AKT3: variants seen among roughly 807,000 people sequenced by gnomAD.
AKT3 encodes the protein RAC-gamma serine/threonine-protein kinase.
A neutral mutation model predicts 65.3 loss-of-function variants in AKT3; 15 were observed. The ratio of observed to expected loss-of-function variants is 0.23; its 90% confidence interval spans 0.15 to 0.35. The LOEUF (loss-of-function observed/expected upper bound fraction) is 0.35. Among genes scored for constraint, AKT3 ranks in the 10% least tolerant of loss-of-function variants. The probability of loss-of-function intolerance (pLI) is 1.00; values close to 1 mark genes in which losing one functional copy is unlikely to be tolerated. For synonymous variants in AKT3, 206 were observed against 183.8 expected, an observed-to-expected ratio of 1.12 and a Z score of -0.98; for missense variants, 243 against 576.5, an observed-to-expected ratio of 0.42 and a Z score of 5.92.
chr1:243,742,059 T>TAA (rs36056068), intron 2 of AKT3, among the ~76,000 whole-genome samples: 2,580 of 125,534 alleles, frequency 0.021, 40 homozygotes, highest in Non-Finnish European at 0.027. Context: ...GATAGAAAAT[T>TAA]AAAAAAAAAA....
chr1:243,791,504 C>T (rs1207971269), intron 2 of AKT3, among the ~76,000 whole-genome samples: 1 of 152,162 alleles, frequency 6.6e-6, no homozygotes, highest in Non-Finnish European at 1.5e-5. Flanking sequence ...CAACAGATTA[C>T]TCAAACCAGA....
chr1:243,595,306 A>G (rs773807447), intron 8 of AKT3, among the ~76,000 whole-genome samples: 7 of 152,224 alleles, frequency 4.6e-5, no homozygotes, highest in African/African-American at 7.2e-5. Flanking sequence ...TGTCTATTGC[A>G]TTTATAATAC....
At chr1:243,785,202 G>C (rs527667107) in intron 2 of AKT3, among the ~76,000 whole-genome samples, 8 of 151,848 alleles carry the variant, frequency 5.3e-5, no homozygotes, top group Admixed American at 5.2e-4. Flanking sequence ...GTGAGTAGCT[G>C]GGACTACAGG....
rs79472693 is a variant in AKT3 at position 243,736,103 on chromosome 1, T to C, written c.47-40387A>G. Reference sequence around the variant, plus strand: ...GCTTGAGATGGGGGTAAAAAGTATATGCTTTGTAGTCAAATACATGGATTC... The same window carrying C: ...GCTTGAGATGGGGGTAAAAAGTATACGCTTTGTAGTCAAATACATGGATTC... On this transcript the variant is annotated intron_variant, in intron 2 of 13. Coordinates refer to ENST00000673466, the MANE Select transcript of AKT3 (RefSeq NM_005465.7). 2.8e-3 allele frequency among the ~76,000 whole-genome samples: 423 copies of C among 152,264 alleles called. 9 individuals carry two copies. The East Asian group carries it at 0.053, about 19-fold the overall frequency.
chr1:243,729,812 T>C (rs553108556), intron 2 of AKT3, among the ~76,000 whole-genome samples: 1 of 152,310 alleles, frequency 6.6e-6, no homozygotes, highest in Non-Finnish European at 1.5e-5. Flanking sequence ...GATTACAGTG[T>C]TCTTCTTTAT....
rs879612465 is a variant in AKT3, at chr1:243,623,179, G to A, written c.562-8018C>T. ...CAACAGGATGCATGATTAATACTTC[G>A]TGCCTGATTTTGCTCTGAGAGGTTG... On this transcript the variant is annotated intron_variant, in intron 6 of 13. Transcript: ENST00000673466. Among the ~76,000 whole-genome samples the A allele has an allele frequency of 3.9e-5, 6 of 152,224 alleles. 1 individual carries two copies. The highest frequency in any genetic ancestry group is 4.1e-4 in the South Asian group (2 of 4,822).
chr1:243,598,541 G>A (rs1299028720), intron 8 of AKT3, among the ~76,000 whole-genome samples: 1 of 152,056 alleles, frequency 6.6e-6, no homozygotes, highest in Non-Finnish European at 1.5e-5. Context: ...AGCCTAACAG[G>A]AACTGCACTA....
At chr1:243,744,513 G>A (rs1315253170) in intron 2 of AKT3, among the ~76,000 whole-genome samples, 1 of 151,994 alleles carries the variant, frequency 6.6e-6, no homozygotes, top group Non-Finnish European at 1.5e-5. Context: ...GCCGAGGCGG[G>A]TGGATCACGA....
chr1:243,785,063 A>AT (rs764079943), intron 2 of AKT3, among the ~76,000 whole-genome samples: 1,986 of 134,858 alleles, frequency 0.015, 35 homozygotes, highest in African/African-American at 0.036. Flanking sequence ...GTCCAACTCA[A>AT]TTTTTTTTTT....
At chr1:243,671,458 T>C (rs1220595573) in intron 3 of AKT3, among the ~76,000 whole-genome samples, 1 of 152,222 alleles carries the variant, frequency 6.6e-6, no homozygotes, top group Non-Finnish European at 1.5e-5. Flanking sequence ...AATTTATTTT[T>C]CAGGTCTTAA....
chr1:243,581,370 T>A lies in AKT3; in HGVS notation c.697-8322A>T, dbSNP rs1258986573. ...GTATCAAGGTATACACTAAGCCATG[T>A]TGGCTGCAGTTAGCTCTTACCTCTA... is the stretch of plus-strand genomic sequence containing the variant. On this transcript the variant is annotated intron_variant, in intron 8 of 13. Transcript: ENST00000673466. 3.9e-5 allele frequency among the ~76,000 whole-genome samples: 6 copies of A among 152,330 alleles called. No homozygotes were observed. In the East Asian group the frequency reaches 1.2e-3, roughly 29 times the overall value.
At chr1:243,625,272 C>T (rs1184320900) in intron 6 of AKT3, among the ~76,000 whole-genome samples, 1 of 151,548 alleles carries the variant, frequency 6.6e-6, no homozygotes, top group Non-Finnish European at 1.5e-5. Flanking sequence ...GCTGGGATTA[C>T]AGACGCATGC....
chr1:243,708,380 A>G (rs1295784878), intron 2 of AKT3, among the ~76,000 whole-genome samples: 1 of 152,034 alleles, frequency 6.6e-6, no homozygotes, highest in Non-Finnish European at 1.5e-5. Context: ...AAATGAATTT[A>G]CTTACCTTGG....
Position 243,843,118 on chromosome 1 carries a change from C to G in AKT3, c.46+7G>C. 1 of 1,613,722 alleles carries G rather than the reference C, an allele frequency of 6.2e-7. No individual in the cohort carries two copies. Among genetic ancestry groups the G allele is most frequent in the Non-Finnish European group, 8.5e-7 (1 of 1,179,794 alleles). ...ACCGTATTATTTTTGGTTTGCGGAG[C>G]ACTTACCCCTCTTCTGAACCCAACC... On this transcript the variant is annotated splice_region_variant and intron_variant, in intron 2 of 13. Transcript: ENST00000673466.
chr1:243,520,834 T>C (rs1670673045), intron 12 of AKT3, among the ~76,000 whole-genome samples: 1 of 152,236 alleles, frequency 6.6e-6, no homozygotes, highest in Non-Finnish European at 1.5e-5. Flanking sequence ...CCCTAAATTC[T>C]TTCCACACTG....
At chr1:243,806,787 A>G (rs1692754712) in intron 2 of AKT3, among the ~76,000 whole-genome samples, 1 of 152,244 alleles carries the variant, frequency 6.6e-6, no homozygotes, top group South Asian at 2.1e-4. Flanking sequence ...GAAAATATGC[A>G]TACATGGAAC....
chr1:243,665,345 A>C (rs1330450119), intron 3 of AKT3, among the ~76,000 whole-genome samples: 1 of 152,118 alleles, frequency 6.6e-6, no homozygotes, highest in Non-Finnish European at 1.5e-5. Context: ...CATATCCCTC[A>C]TGTGTCACTT....
chr1:243,603,761 T>TCCA (rs1453678007), intron 8 of AKT3, among the ~76,000 whole-genome samples: 1 of 152,140 alleles, frequency 6.6e-6, no homozygotes, highest in East Asian at 1.9e-4. Flanking sequence ...TACTCCAGTA[T>TCCA]CCACAATTCC....
At chr1:243,552,480 T>A (rs1421921294) in intron 11 of AKT3, among the ~76,000 whole-genome samples, 1 of 151,996 alleles carries the variant, frequency 6.6e-6, no homozygotes, top group Non-Finnish European at 1.5e-5. Context: ...TTTTCACTCA[T>A]AATATGGATA....
Sources: allele counts gnomAD v4.1 joint callset (sites outside exome capture counted in the v4.1 genomes callset), GRCh38; gene constraint gnomAD v4.1.1; transcripts MANE v1.5; gene names NCBI Gene and HGNC (gene_info 2026-07-23, HGNC 2026-07-21).